Variants in CYRIA observed in about 807,000 individuals in gnomAD.
CYRIA encodes the protein CYFIP-related Rac1 interactor A.
Under a neutral mutation model 43.9 loss-of-function variants are expected in CYRIA, and 15 were observed. The ratio of observed to expected loss-of-function variants is 0.34; its 90% confidence interval spans 0.23 to 0.53. The LOEUF is 0.53. CYRIA is among the 20% of genes least tolerant of loss of function. The probability of loss-of-function intolerance (pLI) is 0.94; values close to 1 mark genes in which losing one functional copy is unlikely to be tolerated. For missense variants in CYRIA, 236 were observed against 394.2 expected, an observed-to-expected ratio of 0.60 and a Z score of 3.40; for synonymous variants, 117 against 136.0, an observed-to-expected ratio of 0.86 and a Z score of 0.97.
At position 16,561,229 on chromosome 2, in the gene CYRIA, G is replaced by T; in HGVS notation, c.562C>A (p.Leu188Ile). ...ATTGGCGTGGCTTCTGCATAGAAGA[G>T]GGACATTCGATTGGCCATCTCATTA... The part of the protein sequence containing the change: ...VNNEMANRMS[L>I]FYAEATPMLK... The change falls in exon 8 of 12, where the codon CTC becomes ATC. Residue 188 changes from leucine (L) to isoleucine (I), a missense_variant. Leu to Ile is a conservative substitution (Grantham distance 5). Transcript: ENST00000381323. 1 of 1,613,778 alleles carries T rather than the reference G, an allele frequency of 6.2e-7. No homozygotes were observed. The highest frequency in any genetic ancestry group is 8.5e-7 in the Non-Finnish European group (1 of 1,179,740).
chr2:16,577,052 T>C (rs1667378185), intron 3 of CYRIA, among the ~76,000 whole-genome samples: 1 of 152,118 alleles, frequency 6.6e-6, no homozygotes, highest in African/African-American at 2.4e-5. Flanking sequence ...GGTATAAAGT[T>C]TCCATTATGC....
intron 1 of CYRIA, among the ~76,000 whole-genome samples, chr2:16,649,265 T>A (rs777710303): frequency 6.1e-4 from 93 of 152,198 alleles, no homozygotes; most frequent in Non-Finnish European, 1.2e-3. Flanking sequence ...CTTCTGCAGA[T>A]TTTGATATCT....
At chr2:16,615,192 A>G (rs1260366143) in intron 2 of CYRIA, among the ~76,000 whole-genome samples, 1 of 152,202 alleles carries the variant, frequency 6.6e-6, no homozygotes, top group Non-Finnish European at 1.5e-5. Context: ...CCCACCTCAG[A>G]ACTGCTGAAC....
intron 2 of CYRIA, among the ~76,000 whole-genome samples, chr2:16,605,972 C>A (rs115728176): frequency 6.6e-6 from 1 of 152,090 alleles, no homozygotes; most frequent in Non-Finnish European, 1.5e-5. Flanking sequence ...GTCCATCTGG[C>A]CTTTAAGTCT....
chr2:16,568,301 A>C (rs1340842848), intron 3 of CYRIA, among the ~76,000 whole-genome samples: 1 of 151,788 alleles, frequency 6.6e-6, no homozygotes, highest in Admixed American at 6.6e-5. Flanking sequence ...AGGGGTATTC[A>C]ACCTGAACTT....
chr2:16,633,784 C>G (rs1402097097), intron 1 of CYRIA, among the ~76,000 whole-genome samples: 1 of 152,066 alleles, frequency 6.6e-6, no homozygotes, highest in East Asian at 1.9e-4. Context: ...TCAAAACACA[C>G]ATTTGATGAT....
chr2:16,646,252 G>C (rs1669817930), intron 1 of CYRIA, among the ~76,000 whole-genome samples: 1 of 152,162 alleles, frequency 6.6e-6, no homozygotes, highest in Admixed American at 6.6e-5. Context: ...TCCCCCACCA[G>C]GCCACTACCC....
At chr2:16,591,178 A>G (rs1667918343) in intron 2 of CYRIA, among the ~76,000 whole-genome samples, 1 of 152,206 alleles carries the variant, frequency 6.6e-6, no homozygotes. Context: ...ATTCAATAAA[A>G]TAACTTTGGT....
chr2:16,609,990 A>C (rs1286106571), intron 2 of CYRIA, among the ~76,000 whole-genome samples: 1 of 152,194 alleles, frequency 6.6e-6, no homozygotes, highest in African/African-American at 2.4e-5. Flanking sequence ...CCAAGATGGT[A>C]CTCAGGGATT....
chr2:16,560,854 A>T, intron 9 of CYRIA, 136 bp downstream of exon 9: 1 of 753,222 alleles, frequency 1.3e-6, no homozygotes, highest in Non-Finnish European at 2.3e-6. Context: ...CAGAGTTCTT[A>T]GTGAAATTAA....
chr2:16,568,243 A>C (rs897207964), intron 3 of CYRIA, among the ~76,000 whole-genome samples: 23 of 151,644 alleles, frequency 1.5e-4, no homozygotes, highest in South Asian at 6.3e-4. Context: ...AAAAAAAAAA[A>C]AAAAAACCCA....
Position 16,610,947 on chromosome 2 carries a change from C to A in CYRIA, c.-11+12917G>T, listed in dbSNP as rs13430521. On this transcript the variant is annotated intron_variant, in intron 2 of 11. Transcript: ENST00000381323. ...ATATATATATATATATCCTGTATATCTTGCATATATTTCTATCAAAAATGT... is the reference window on the plus strand; with the variant it reads ...ATATATATATATATATCCTGTATATATTGCATATATTTCTATCAAAAATGT... 2.7e-3 allele frequency among the ~76,000 whole-genome samples: 276 copies of A among 100,794 alleles called. 1 individual carries two copies. The highest frequency in any genetic ancestry group is 9.1e-3 in the African/African-American group (252 of 27,834). The allele number at this position is 100,794 out of a possible 152,430, so 66.1% of individuals were successfully genotyped here.
rs112794646 is a variant in CYRIA at position 16,615,548 on chromosome 2, C to T, written c.-11+8316G>A. Among the ~76,000 whole-genome samples, 7 of 148,714 alleles carry T rather than the reference C, an allele frequency of 4.7e-5. 1 individual carries two copies. Among genetic ancestry groups the T allele is most frequent in the African/African-American group, 1.8e-4 (7 of 38,186 alleles). On this transcript the variant is annotated intron_variant, in intron 2 of 11. Transcript: ENST00000381323. Reference sequence around the variant, plus strand: ...GAGCTGGACTAGATGGCTATGAAGTCTTCACTCTTTCTACAACCAACACTG... The same window carrying T: ...GAGCTGGACTAGATGGCTATGAAGTTTTCACTCTTTCTACAACCAACACTG...
rs531978879 is a variant in CYRIA at position 16,562,370 on chromosome 2, C to A, written c.299-229G>T. Reference sequence around the variant, plus strand: ...CATGGCCACAGTGTTTTGTAAATTTCTTTCTAAGCTCAGCTGGACCTGGAC... The same window carrying A: ...CATGGCCACAGTGTTTTGTAAATTTATTTCTAAGCTCAGCTGGACCTGGAC... On this transcript the variant is annotated intron_variant, in intron 5 of 11. Transcript: ENST00000381323. Among the ~76,000 whole-genome samples the A allele has an allele frequency of 4.6e-5, 7 of 152,260 alleles. No individual in the cohort carries two copies. In the South Asian group the frequency reaches 1.4e-3, roughly 32 times the overall value.
intron 2 of CYRIA, among the ~76,000 whole-genome samples, chr2:16,589,134 A>T (rs763878771): frequency 1.6e-4 from 25 of 152,246 alleles, no homozygotes; most frequent in African/African-American, 5.5e-4. Flanking sequence ...TTGGAAAGAC[A>T]TTCCTCTAAC....
intron 3 of CYRIA, among the ~76,000 whole-genome samples, chr2:16,573,942 A>AAATGTGG (rs1442322673): frequency 1.3e-5 from 2 of 152,228 alleles, no homozygotes; most frequent in African/African-American, 4.8e-5. Flanking sequence ...AGATAACTGA[A>AAATGTGG]AATGTGGAAG....
At chr2:16,621,605 T>G (rs961810968) in intron 2 of CYRIA, among the ~76,000 whole-genome samples, 3 of 152,222 alleles carry the variant, frequency 2.0e-5, no homozygotes, top group African/African-American at 7.2e-5. Context: ...TCATTCCTTC[T>G]GCTCCAATCC....
chr2:16,590,011 T>C (rs1221823284), intron 2 of CYRIA, among the ~76,000 whole-genome samples: 1 of 151,836 alleles, frequency 6.6e-6, no homozygotes, highest in African/African-American at 2.4e-5. Flanking sequence ...AAGGCTGGGC[T>C]AGACGCATCC....
At chr2:16,579,294 G>GT (rs36050086) in intron 3 of CYRIA, among the ~76,000 whole-genome samples, 16,725 of 152,020 alleles carry the variant, frequency 0.11, 993 homozygotes, top group Middle Eastern at 0.16. Context: ...ATTAAAATAA[G>GT]TTTTTTAGAC....
Sources: allele counts gnomAD v4.1 joint callset (sites outside exome capture counted in the v4.1 genomes callset), GRCh38; gene constraint gnomAD v4.1.1; transcripts MANE v1.5; gene names NCBI Gene and HGNC (gene_info 2026-07-23, HGNC 2026-07-21).